The following STPG2 variants were observed in gnomAD, a reference collection of about 807,000 sequenced individuals.
STPG2 encodes the protein sperm-tail PG-rich repeat-containing protein 2.
STPG2 carries 56 observed loss-of-function variants against 54.2 expected under a neutral mutation model. The observed-to-expected ratio is 1.03, with a 90% CI of 0.83 to 1.29. STPG2 has a LOEUF of 1.29. Among genes scored for constraint, STPG2 ranks in the 50% most tolerant of loss-of-function variants. STPG2 has a pLI of 0.00. For missense variants in STPG2, 596 were observed against 544.9 expected, an observed-to-expected ratio of 1.09 and a Z score of -0.93; for synonymous variants, 200 against 181.8, an observed-to-expected ratio of 1.10 and a Z score of -0.81.
chr4:97,491,151 G>A (rs1054513299), intron 4 of STPG2, among the ~76,000 whole-genome samples: 1 of 151,270 alleles, frequency 6.6e-6, no homozygotes. Context: ...TTCATTTAAA[G>A]TTACTCCAAA....
intron 8 of STPG2, among the ~76,000 whole-genome samples, chr4:97,909,642 A>T (rs1156766007): frequency 1.3e-5 from 2 of 152,172 alleles, no homozygotes; most frequent in African/African-American, 4.8e-5. Flanking sequence ...TGCAAAAATA[A>T]ATTTGCATTT....
At chr4:97,759,187 G>C (rs1725817716) in intron 9 of STPG2, among the ~76,000 whole-genome samples, 1 of 152,234 alleles carries the variant, frequency 6.6e-6, no homozygotes, top group South Asian at 2.1e-4. Flanking sequence ...AGAAAGAATG[G>C]AGACTGGTGT....
At chr4:97,734,963 C>T (rs919067041) in intron 9 of STPG2, among the ~76,000 whole-genome samples, 46 of 151,854 alleles carry the variant, frequency 3.0e-4, no homozygotes, top group African/African-American at 1.1e-3. Context: ...GTCCCAGTTA[C>T]TCAGGAGGCT....
intron 5 of STPG2, among the ~76,000 whole-genome samples, chr4:98,057,670 G>A (rs1727285): frequency 0.34 from 51,563 of 152,000 alleles, 9,992 homozygotes; most frequent in Non-Finnish European, 0.42. Flanking sequence ...AACCTAGCTA[G>A]AGAGGCCAAT....
intron 2 of STPG2, among the ~76,000 whole-genome samples, chr4:98,131,494 T>G (rs1450841672): frequency 6.6e-6 from 1 of 152,164 alleles, no homozygotes; most frequent in Admixed American, 6.5e-5. Context: ...CTTACAAAAT[T>G]TAACCTCATT....
intron 8 of STPG2, among the ~76,000 whole-genome samples, chr4:97,938,135 T>G (rs975061843): frequency 7.9e-5 from 12 of 152,030 alleles, no homozygotes; most frequent in Non-Finnish European, 1.8e-4. Context: ...CAGGGATGGG[T>G]CAGGATCTGG....
chr4:98,022,645 T>A (rs907088605), intron 5 of STPG2, among the ~76,000 whole-genome samples: 1 of 152,138 alleles, frequency 6.6e-6, no homozygotes, highest in Non-Finnish European at 1.5e-5. Context: ...CCCATCACTT[T>A]CAGGTACATC....
At chr4:97,564,311 T>G (rs1441504777) in intron 10 of STPG2, among the ~76,000 whole-genome samples, 1 of 152,234 alleles carries the variant, frequency 6.6e-6, no homozygotes, top group African/African-American at 2.4e-5. Context: ...TCCTTTCATT[T>G]TGAGCCTATG....
At chr4:97,472,229 G>A (rs1729955038) in intron 4 of STPG2, among the ~76,000 whole-genome samples, 2 of 152,204 alleles carry the variant, frequency 1.3e-5, no homozygotes, top group South Asian at 2.1e-4. Context: ...ATTTCTGTGG[G>A]AACCAGTGTT....
At chr4:97,461,436 C>A (rs1729660774) in intron 4 of STPG2, among the ~76,000 whole-genome samples, 1 of 152,142 alleles carries the variant, frequency 6.6e-6, no homozygotes, top group African/African-American at 2.4e-5. Context: ...TGGTTGAGCC[C>A]TCATGAATGA....
intron 10 of STPG2, among the ~76,000 whole-genome samples, chr4:97,603,721 A>G (rs544461986): frequency 9.9e-5 from 15 of 151,706 alleles, no homozygotes; most frequent in Non-Finnish European, 2.1e-4. Context: ...GGTAAGTAAA[A>G]TAAGTCAGTC....
At chr4:98,103,123 A>T (rs1042131179) in intron 5 of STPG2, among the ~76,000 whole-genome samples, 1 of 151,840 alleles carries the variant, frequency 6.6e-6, no homozygotes, top group African/African-American at 2.4e-5. Context: ...TCTTTTAAAC[A>T]GTTATTGCAA....
intron 5 of STPG2, among the ~76,000 whole-genome samples, chr4:98,024,124 C>G (rs1221974547): frequency 6.6e-6 from 1 of 152,200 alleles, no homozygotes; most frequent in African/African-American, 2.4e-5. Flanking sequence ...TTCTGTGTCA[C>G]TCACGCTGGG....
intron 5 of STPG2, among the ~76,000 whole-genome samples, chr4:97,981,833 T>TTATATATATATATATATA (rs3047345): frequency 4.4e-4 from 63 of 143,372 alleles, no homozygotes; most frequent in African/African-American, 1.6e-3. Flanking sequence ...TATAAAATGT[T>TTATATATATATATATATA]TATATATATA....
chr4:97,684,137 AG>A (rs2148981979), intron 10 of STPG2, among the ~76,000 whole-genome samples: 1 of 152,048 alleles, frequency 6.6e-6, no homozygotes, highest in East Asian at 1.9e-4. Context: ...CAAGTTCATG[AG>A]TAAAAACGCT....
At chr4:98,112,950 T>C (rs914065875) in intron 3 of STPG2, among the ~76,000 whole-genome samples, 18 of 151,812 alleles carry the variant, frequency 1.2e-4, no homozygotes, top group African/African-American at 4.1e-4. Context: ...TGGGTTTGCG[T>C]TCTAACACAG....
At chr4:97,906,816 C>A (rs184186158) in intron 8 of STPG2, among the ~76,000 whole-genome samples, 2 of 152,140 alleles carry the variant, frequency 1.3e-5, no homozygotes, top group Non-Finnish European at 2.9e-5. Flanking sequence ...AAATTCAACA[C>A]CCCGTCAAAC....
At chr4:98,097,872 T>A (rs1738907633) in intron 5 of STPG2, among the ~76,000 whole-genome samples, 1 of 152,090 alleles carries the variant, frequency 6.6e-6, no homozygotes, top group African/African-American at 2.4e-5. Flanking sequence ...CCATTTACAA[T>A]AGCCACAGAT....
In STPG2 at chr4:98,134,480, G is replaced by A. The variant is rs184709833; in HGVS notation, c.110-21C>T. 131 of 1,456,900 alleles carry A rather than the reference G, an allele frequency of 9.0e-5. 2 individuals carry two copies. In the Admixed American group the frequency reaches 2.2e-3, roughly 24 times the overall value. 90.2% of individuals were successfully genotyped at this position (1,456,900 alleles called of 1,614,324 possible). On this transcript the variant is annotated intron_variant, in intron 1 of 10. Coordinates refer to ENST00000295268, the MANE Select transcript of STPG2 (RefSeq NM_174952.3). ...ACTACCTATAAAAATAAAATCATAT[G>A]ACCAGCAGATAAGATAAGAGTCCAA...
Sources: allele counts gnomAD v4.1 joint callset (sites outside exome capture counted in the v4.1 genomes callset), GRCh38; gene constraint gnomAD v4.1.1; transcripts MANE v1.5; gene names NCBI Gene and HGNC (gene_info 2026-07-23, HGNC 2026-07-21).